The following TSHZ3 variants were observed in gnomAD, a reference collection of about 807,000 sequenced individuals.
TSHZ3 encodes the protein teashirt zinc finger homeobox 3.
Under a neutral mutation model 64.5 loss-of-function variants are expected in TSHZ3, and 10 were observed. The ratio of observed to expected loss-of-function variants is 0.16; its 90% CI spans 0.10 to 0.26. The LOEUF (loss-of-function observed/expected upper bound fraction) is 0.26, where lower values mean the gene tolerates loss of function less well. Ranked by LOEUF, TSHZ3 falls within the 10% of genes least tolerant of loss-of-function variation. The pLI is 1.00. For missense variants in TSHZ3, 1,242 were observed against 1,421.7 expected (o/e 0.87, Z 2.03); for synonymous variants, 608 against 593.1 (o/e 1.03, Z -0.36).
chr19:31,204,117 C>T (rs577096203), intron 5 of TSHZ3, among the ~76,000 whole-genome samples: 1 of 152,262 alleles, frequency 6.6e-6, no homozygotes, highest in Non-Finnish European at 1.5e-5. Flanking sequence ...ATGGGGGAAA[C>T]TGCCCCCATG....
At chr19:31,201,418 C>CAAAAAAATAAAAAA (rs1446079606) in intron 5 of TSHZ3, among the ~76,000 whole-genome samples, 1 of 152,020 alleles carries the variant, frequency 6.6e-6, no homozygotes, top group Non-Finnish European at 1.5e-5. Flanking sequence ...AAAATAAATA[C>CAAAAAAATAAAAAA]ATAATGAATG....
At chr19:31,244,239 C>G (rs1296494993) in intron 1 of TSHZ3, among the ~76,000 whole-genome samples, 1 of 152,066 alleles carries the variant, frequency 6.6e-6, no homozygotes, top group Non-Finnish European at 1.5e-5. Flanking sequence ...ATGCTGCTCT[C>G]TTGATAGTGA....
At chr19:31,349,934 A>AC (rs1182629366), upstream of TSHZ3, among the ~76,000 whole-genome samples, 1 of 113,722 alleles carries the variant, frequency 8.8e-6, no homozygotes, top group Non-Finnish European at 1.9e-5. Context: ...CCCGCGTGGG[A>AC]CCCCCGCCCC....
At chr19:31,273,994 G>A (rs1227849773), downstream of TSHZ3, among the ~76,000 whole-genome samples, 2 of 152,160 alleles carry the variant, frequency 1.3e-5, no homozygotes. Flanking sequence ...AAAACCCGGA[G>A]AAAGATGGAA....
In TSHZ3 at chr19:31,232,236, C is replaced by T. The variant is rs557818131; in HGVS notation, n.551-4096G>A. ...CGGATTGCTCCCAAGTAGAAGAAAT[C>T]GCCAGTCCAGAGAATCGAGGACATG... is the stretch of plus-strand genomic sequence containing the variant. On this transcript the variant is annotated intron_variant and non_coding_transcript_variant, in intron 3 of 6. Transcript: ENST00000651361. Among the ~76,000 whole-genome samples, 39 of 152,130 alleles carry T rather than the reference C, an allele frequency of 2.6e-4. No individual in the cohort carries two copies. The South Asian group carries it at 7.7e-3, about 30-fold the overall frequency.
intron 5 of TSHZ3, among the ~76,000 whole-genome samples, chr19:31,199,400 C>CAAA (rs61428496): frequency 9.1e-5 from 9 of 98,576 alleles, no homozygotes; most frequent in Non-Finnish European, 1.2e-4. Context: ...GAGACTCCGC[C>CAAA]AAAAAAAAAA....
In TSHZ3 at chr19:31,349,364, G is replaced by A. The variant is rs997439662; in HGVS notation, c.-145C>T. The A allele has an allele frequency of 4.6e-6, 3 of 647,076 alleles. No individual in the cohort carries two copies. The highest frequency in any genetic ancestry group is 4.6e-6 in the Non-Finnish European group (2 of 434,904). The allele number at this position is 647,076 out of a possible 1,614,324, so 40.1% of individuals were successfully genotyped here. On this transcript the variant is annotated 5_prime_UTR_variant, in exon 1 of 2. Coordinates refer to ENST00000240587, the MANE Select transcript of TSHZ3 (RefSeq NM_020856.4). The stretch of plus-strand genomic sequence containing the variant: ...GGAGAGCGGCCGCCCGCAGGATGCT[G>A]CTGCGCCCAGGCTCTCCGCGTCCCC...
chr19:31,255,718 G>T (rs1354218208), intron 1 of TSHZ3, among the ~76,000 whole-genome samples: 1 of 152,158 alleles, frequency 6.6e-6, no homozygotes, highest in Non-Finnish European at 1.5e-5. Context: ...CAGCAGAGGG[G>T]TCTGCGCATG....
chr19:31,327,017 T>C (rs1038091365), intron 1 of TSHZ3, among the ~76,000 whole-genome samples: 1 of 152,002 alleles, frequency 6.6e-6, no homozygotes, highest in Non-Finnish European at 1.5e-5. Context: ...GTCCAGAATG[T>C]AGACTCTCCT....
intron 3 of TSHZ3, among the ~76,000 whole-genome samples, chr19:31,231,381 A>G (rs1975537527): frequency 6.6e-6 from 1 of 152,032 alleles, no homozygotes; most frequent in Non-Finnish European, 1.5e-5. Flanking sequence ...TTACAGGAGC[A>G]TTTTTCCAAA....
intron 4 of TSHZ3, among the ~76,000 whole-genome samples, chr19:31,205,709 C>T (rs1408037249): frequency 6.6e-6 from 1 of 152,218 alleles, no homozygotes; most frequent in Non-Finnish European, 1.5e-5. Flanking sequence ...GCAGACTCAG[C>T]CCAAAACAGA....
rs1351320249 is a variant in TSHZ3, at chr19:31,217,011, C to T, written n.686+10994G>A. 4.0e-5 allele frequency among the ~76,000 whole-genome samples: 6 copies of T among 151,356 alleles called. No homozygotes were observed. The East Asian group carries it at 1.2e-3, about 30-fold the overall frequency. Reference sequence around the variant, plus strand: ...AAGGTGTTTCACCATGTTGGCCAGGCTGGTCTCGAACTCCTGACCTCAGGT... The same window carrying T: ...AAGGTGTTTCACCATGTTGGCCAGGTTGGTCTCGAACTCCTGACCTCAGGT... On this transcript the variant is annotated intron_variant and non_coding_transcript_variant, in intron 4 of 6. Coordinates refer to the TSHZ3 transcript ENST00000651361.
chr19:31,278,327 T>A lies in TSHZ3; in HGVS notation c.1466A>T (p.Asp489Val), dbSNP rs1244561647. The change falls in exon 2 of 2, where the codon GAC (aspartate) becomes GTC (valine). Residue 489 changes from aspartate to valine, a missense_variant. Asp to Val is a radical substitution (Grantham distance 152). Coordinates refer to ENST00000240587, the MANE Select transcript of TSHZ3 (RefSeq NM_020856.4). The surrounding 1 kb of genome is among the most constrained non-coding windows in gnomAD (Gnocchi z 4.7). ...CTTCTCCTCTTCTTCGCCAGGCTTG[T>A]CTTTTTGCTTAGGTTTCTCGTCAGT... ...AVTDEKPKQK[D>V]KPGEEEEKCD... 6.2e-7 allele frequency: 1 copy of A among 1,614,088 alleles called. No homozygotes were observed. Among genetic ancestry groups the A allele is most frequent in the South Asian group, 1.1e-5 (1 of 91,090 alleles).
At chr19:31,200,300 C>A (rs1259885758) in intron 5 of TSHZ3, among the ~76,000 whole-genome samples, 1 of 151,198 alleles carries the variant, frequency 6.6e-6, no homozygotes, top group Non-Finnish European at 1.5e-5. Flanking sequence ...TTAATAATTG[C>A]CAAAACTTAA....
intron 1 of TSHZ3, among the ~76,000 whole-genome samples, chr19:31,294,516 C>T (rs1976630462): frequency 1.3e-5 from 2 of 152,144 alleles, no homozygotes; most frequent in Admixed American, 6.5e-5. Flanking sequence ...CACTAGTGTG[C>T]ATGTGAACAC....
At chr19:31,231,265 A>G (rs114936983) in intron 3 of TSHZ3, among the ~76,000 whole-genome samples, 2,071 of 152,174 alleles carry the variant, frequency 0.014, 43 homozygotes, top group African/African-American at 0.046. Context: ...TGGTGGCACG[A>G]TGATGTGATT....
At chr19:31,192,842 G>A (rs1047231883) in intron 5 of TSHZ3, among the ~76,000 whole-genome samples, 8 of 152,144 alleles carry the variant, frequency 5.3e-5, no homozygotes, top group East Asian at 1.9e-4. Flanking sequence ...GGATTTAATC[G>A]GTTAACATGA....
intron 3 of TSHZ3, among the ~76,000 whole-genome samples, chr19:31,228,524 T>TAAAAA (rs5827760): frequency 7.6e-6 from 1 of 131,100 alleles, no homozygotes; most frequent in African/African-American, 2.9e-5. Context: ...AAACCCTGTC[T>TAAAAA]AAAAAAAAAA....
At chr19:31,348,589 AG>A (rs2021590280) in intron 1 of TSHZ3, among the ~76,000 whole-genome samples, 1 of 152,108 alleles carries the variant, frequency 6.6e-6, no homozygotes, top group Non-Finnish European at 1.5e-5. Flanking sequence ...AAACACAAAC[AG>A]GGGAGAAGGA....
Sources: allele counts gnomAD v4.1 joint callset (sites outside exome capture counted in the v4.1 genomes callset), GRCh38; gene constraint gnomAD v4.1.1; non-coding constraint Gnocchi (gnomAD v3.1); transcripts MANE v1.5; gene names NCBI Gene and HGNC (gene_info 2026-07-23, HGNC 2026-07-21).